AGBL1: variants seen among roughly 807,000 people sequenced by gnomAD.
AGBL1 encodes cytosolic carboxypeptidase 4.
Under a neutral mutation model 118.9 loss-of-function variants are expected in AGBL1, and 130 were observed. That is an observed-to-expected ratio of 1.09 (90% CI 0.95 to 1.26). AGBL1 has a LOEUF of 1.26. Among genes scored for constraint, AGBL1 ranks in the 50% most tolerant of loss-of-function variants. AGBL1 has a pLI of 0.00. For missense variants in AGBL1, 1,584 were observed against 1,298.1 expected, an observed-to-expected ratio of 1.22 and a Z score of -3.38; for synonymous variants, 555 against 478.9, an observed-to-expected ratio of 1.16 and a Z score of -2.08.
chr15:86,534,522 C>T (rs752154832), intron 19 of AGBL1, among the ~76,000 whole-genome samples: 8 of 152,242 alleles, frequency 5.3e-5, no homozygotes, highest in South Asian at 2.1e-4. Flanking sequence ...TTTGATGGGT[C>T]GCAGAGATTC....
At chr15:86,288,848 T>C (rs1453193173) in intron 16 of AGBL1, among the ~76,000 whole-genome samples, 1 of 152,242 alleles carries the variant, frequency 6.6e-6, no homozygotes, top group African/African-American at 2.4e-5. Context: ...GTTTTTTGTG[T>C]TATATATTTG....
intron 21 of AGBL1, among the ~76,000 whole-genome samples, chr15:86,653,773 G>A (rs1018882400): frequency 2.0e-5 from 3 of 152,102 alleles, no homozygotes; most frequent in African/African-American, 7.2e-5. Context: ...TCCACTTGGT[G>A]CTCAATAGCT....
chr15:86,794,546 G>A (rs758476239), intron 22 of AGBL1, among the ~76,000 whole-genome samples: 6 of 152,074 alleles, frequency 3.9e-5, no homozygotes, highest in Non-Finnish European at 8.8e-5. Flanking sequence ...GCAAAGCATT[G>A]TGAGCGCAGT....
At chr15:86,123,408 T>G (rs1287112171) in intron 1 of AGBL1, among the ~76,000 whole-genome samples, 1 of 152,084 alleles carries the variant, frequency 6.6e-6, no homozygotes, top group African/African-American at 2.4e-5. Flanking sequence ...CCCAGCTAAT[T>G]TTTGTGTTTT....
In AGBL1 at chr15:86,473,164, TC is replaced by T. The variant is rs1273770842; in HGVS notation, c.2556-49645del. 7.2e-5 allele frequency among the ~76,000 whole-genome samples: 11 copies of T among 152,322 alleles called. No individual in the cohort carries two copies. In the East Asian group the frequency reaches 2.1e-3, roughly 29 times the overall value. ...GTAGCATTTAGGTTTCATCCCAATT[TC>T]TCCTATGCACAAAAATATAGGTTTG... On this transcript the variant is annotated intron_variant, in intron 18 of 22. Coordinates refer to ENST00000614907, the MANE Select transcript of AGBL1 (RefSeq NM_001386094.1).
In AGBL1 at chr15:86,675,968, T is replaced by C. The variant is rs541552883; in HGVS notation, c.3158+1532T>C. Among the ~76,000 whole-genome samples, 138 of 152,316 alleles carry C rather than the reference T, an allele frequency of 9.1e-4. 1 individual carries two copies. Among genetic ancestry groups the C allele is most frequent in the African/African-American group, 3.1e-3 (129 of 41,574 alleles). ...TCTAATTCAAGTTTAAAGAATTTGA[T>C]GTCAGGCTTCAAATACAATGGCTGC... On this transcript the variant is annotated intron_variant, in intron 22 of 22. Transcript: ENST00000614907.
intron 22 of AGBL1, among the ~76,000 whole-genome samples, chr15:86,747,624 C>A (rs959978902): frequency 1.3e-5 from 2 of 152,098 alleles, no homozygotes; most frequent in African/African-American, 2.4e-5. Flanking sequence ...GCTTTCCCTC[C>A]CTCCTCCCCA....
chr15:86,863,902 T>C (rs974001814), intron 22 of AGBL1, among the ~76,000 whole-genome samples: 3 of 152,198 alleles, frequency 2.0e-5, no homozygotes, highest in Non-Finnish European at 4.4e-5. Context: ...ATAGGTTTGT[T>C]ACGTGAAGTA....
chr15:86,817,161 A>G (rs2078869730), intron 22 of AGBL1, among the ~76,000 whole-genome samples: 1 of 151,958 alleles, frequency 6.6e-6, no homozygotes, highest in African/African-American at 2.4e-5. Context: ...CGTGGTGGTC[A>G]GGTGGCTGTA....
chr15:86,273,479 G>A (rs1321855622), intron 15 of AGBL1, among the ~76,000 whole-genome samples: 8 of 152,152 alleles, frequency 5.3e-5, no homozygotes, highest in Non-Finnish European at 1.0e-4. Context: ...TCCCAATACT[G>A]TGATGTAACA....
intron 1 of AGBL1, among the ~76,000 whole-genome samples, chr15:86,114,031 A>C (rs1897602427): frequency 6.6e-6 from 1 of 152,260 alleles, no homozygotes; most frequent in Non-Finnish European, 1.5e-5. Flanking sequence ...ACTTGAAATA[A>C]AATATGTGAG....
At chr15:86,189,547 C>T (rs375450372) in intron 5 of AGBL1, among the ~76,000 whole-genome samples, 2 of 152,066 alleles carry the variant, frequency 1.3e-5, no homozygotes, top group Admixed American at 6.6e-5. Context: ...CTCATGGTAA[C>T]GAGTTGGTTC....
chr15:86,166,231 A>G (rs965531295), intron 5 of AGBL1, among the ~76,000 whole-genome samples: 1 of 152,204 alleles, frequency 6.6e-6, no homozygotes, highest in African/African-American at 2.4e-5. Flanking sequence ...ACAACATTCT[A>G]TGTGCCTGTC....
At chr15:86,458,925 T>C (rs992784325) in intron 18 of AGBL1, among the ~76,000 whole-genome samples, 6 of 152,202 alleles carry the variant, frequency 3.9e-5, no homozygotes, top group African/African-American at 1.4e-4. Flanking sequence ...TCAAAGCCTT[T>C]ATGAATTAAT....
At chr15:86,865,981 T>C (rs779390190) in intron 22 of AGBL1, among the ~76,000 whole-genome samples, 1 of 152,228 alleles carries the variant, frequency 6.6e-6, no homozygotes, top group African/African-American at 2.4e-5. Context: ...GTTATCATTA[T>C]CATTTTCATT....
At chr15:86,312,723 C>T (rs1042397120) in intron 17 of AGBL1, among the ~76,000 whole-genome samples, 2 of 152,128 alleles carry the variant, frequency 1.3e-5, no homozygotes, top group Non-Finnish European at 2.9e-5. Flanking sequence ...GCATTCTCAA[C>T]ATGTAGTGAT....
intron 1 of AGBL1, chr15:86,088,233 G>C (rs1895792713): frequency 6.6e-6 from 1 of 152,310 alleles, no homozygotes; most frequent in African/African-American, 2.4e-5. Flanking sequence ...AAGGGTGGGA[G>C]ACGGAGTGGA....
intron 16 of AGBL1, among the ~76,000 whole-genome samples, chr15:86,290,494 G>A (rs1281130318): frequency 1.3e-5 from 2 of 151,272 alleles, no homozygotes; most frequent in African/African-American, 4.9e-5. Context: ...GGGACCACAG[G>A]TGTGCACCAC....
Position 86,330,325 on chromosome 15 carries a change from T to C in AGBL1, c.2374+34917T>C, listed in dbSNP as rs891545412. On this transcript the variant is annotated intron_variant, in intron 17 of 22. Coordinates refer to ENST00000614907, the MANE Select transcript of AGBL1 (RefSeq NM_001386094.1). ...AAACTGCATGGCCCAATATAAAACC[T>C]GCCGACAGATGTGCATAATAGGGCT... 2.6e-5 allele frequency among the ~76,000 whole-genome samples: 4 copies of C among 152,214 alleles called. 1 individual carries two copies. Among genetic ancestry groups the C allele is most frequent in the Non-Finnish European group, 5.9e-5 (4 of 68,036 alleles).
Sources: allele counts gnomAD v4.1 joint callset (sites outside exome capture counted in the v4.1 genomes callset), GRCh38; gene constraint gnomAD v4.1.1; transcripts MANE v1.5; gene names NCBI Gene and HGNC (gene_info 2026-07-23, HGNC 2026-07-21).